The following PITPNB variants were observed in gnomAD, a reference collection of about 807,000 sequenced individuals.
PITPNB encodes the protein phosphatidylinositol transfer protein beta isoform.
Under a neutral mutation model 45.9 loss-of-function variants are expected in PITPNB, and 16 were observed. That is an observed-to-expected ratio of 0.35 (90% CI 0.24 to 0.53). The LOEUF (loss-of-function observed/expected upper bound fraction) is 0.53. Ranked by LOEUF, PITPNB falls within the 20% of genes least tolerant of loss-of-function variation. The probability of loss-of-function intolerance (pLI) is 0.93; values close to 1 mark genes in which losing one functional copy is unlikely to be tolerated. For synonymous variants in PITPNB, 112 were observed against 108.9 expected (o/e 1.03, Z -0.18); for missense variants, 188 against 330.5 (o/e 0.57, Z 3.34).
chr22:27,902,062 C>G (rs1292761521), intron 3 of PITPNB, among the ~76,000 whole-genome samples: 1 of 151,876 alleles, frequency 6.6e-6, no homozygotes, highest in Non-Finnish European at 1.5e-5. Flanking sequence ...AGGCAGAAAA[C>G]AGATTAGTAA....
intron 10 of PITPNB, among the ~76,000 whole-genome samples, chr22:27,857,855 AG>A (rs1455174952): frequency 2.0e-5 from 3 of 152,196 alleles, no homozygotes; most frequent in Admixed American, 6.5e-5. Context: ...CTCCTGCCCA[AG>A]GATCACCTGA....
chr22:27,893,308 G>A (rs1332041085), intron 7 of PITPNB, among the ~76,000 whole-genome samples: 14 of 148,562 alleles, frequency 9.4e-5, no homozygotes, highest in South Asian at 2.1e-4. Flanking sequence ...TTTTTGAGAC[G>A]GAGTCTCGCT....
intron 1 of PITPNB, among the ~76,000 whole-genome samples, chr22:27,916,149 G>A (rs1033941938): frequency 2.0e-5 from 3 of 152,192 alleles, no homozygotes; most frequent in African/African-American, 7.2e-5. Context: ...CTAACAGGAA[G>A]ATCCCTATTT....
intron 8 of PITPNB, among the ~76,000 whole-genome samples, chr22:27,863,933 C>T (rs1002051493): frequency 1.3e-5 from 2 of 152,132 alleles, no homozygotes; most frequent in Non-Finnish European, 2.9e-5. Flanking sequence ...CTATAAGCCA[C>T]GGGACAAAAA....
At chr22:27,859,551 T>C (rs532210047) in intron 9 of PITPNB, among the ~76,000 whole-genome samples, 66 of 152,308 alleles carry the variant, frequency 4.3e-4, no homozygotes, top group Non-Finnish European at 8.4e-4. Flanking sequence ...TCTCCCCTCC[T>C]CCTAGATCTA....
Position 27,873,224 on chromosome 22 carries a change from A to G in PITPNB, c.534+514T>C, listed in dbSNP as rs192870133. ...AGAGGCTGCAGTGAGCCCAGATTGC[A>G]CCACTGCACCCCAGCCTGGGCAACA... On this transcript the variant is annotated intron_variant, in intron 8 of 11. Coordinates refer to ENST00000335272, the MANE Select transcript of PITPNB (RefSeq NM_012399.5). 6.8e-3 allele frequency among the ~76,000 whole-genome samples: 1,034 copies of G among 152,312 alleles called. 7 individuals carry two copies. Among genetic ancestry groups the G allele is most frequent in the African/African-American group, 0.023 (939 of 41,574 alleles).
intron 7 of PITPNB, among the ~76,000 whole-genome samples, chr22:27,885,212 T>TTAA (rs1569019261): frequency 6.0e-4 from 18 of 30,232 alleles, no homozygotes; most frequent in East Asian, 4.9e-3. Context: ...AATTTATACC[T>TTAA]AAAAAAAAAA....
At chr22:27,914,381 A>C (rs1166120873) in intron 1 of PITPNB, 34 bp from the exon 2 acceptor site, 2 of 1,336,132 alleles carry the variant, frequency 1.5e-6, no homozygotes, top group Admixed American at 1.8e-5. Flanking sequence ...TATATATTAC[A>C]TATGAAATAG....
intron 8 of PITPNB, among the ~76,000 whole-genome samples, chr22:27,864,351 G>A (rs7510605): frequency 2.0e-5 from 3 of 152,228 alleles, no homozygotes; most frequent in South Asian, 2.1e-4. Context: ...TCTGAATGTC[G>A]TACATTAACC....
At chr22:27,859,349 C>G (rs1407762425) in intron 9 of PITPNB, among the ~76,000 whole-genome samples, 1 of 152,170 alleles carries the variant, frequency 6.6e-6, no homozygotes, top group African/African-American at 2.4e-5. Flanking sequence ...TAAAATACTA[C>G]AGCAGCTATA....
At chr22:27,887,558 A>C (rs1935157303) in intron 7 of PITPNB, among the ~76,000 whole-genome samples, 1 of 148,514 alleles carries the variant, frequency 6.7e-6, no homozygotes, top group Non-Finnish European at 1.5e-5. Flanking sequence ...ATCCCCACCC[A>C]CCCCACCTCC....
rs1260210443 is a variant in PITPNB at position 27,894,655 on chromosome 22, G to A, written c.373-17C>T. On this transcript the variant is annotated splice_polypyrimidine_tract_variant and intron_variant, in intron 6 of 11. Transcript: ENST00000335272. The stretch of plus-strand genomic sequence containing the variant: ...ACCATGTACCTACCAATGACAAAGA[G>A]AAAAGAAACAAAACAAACTGTAGAT... The A allele has an allele frequency of 1.4e-6, 2 of 1,462,798 alleles. No individual in the cohort carries two copies. Among genetic ancestry groups the A allele is most frequent in the Non-Finnish European group, 9.6e-7 (1 of 1,045,918 alleles). 90.6% of individuals were successfully genotyped at this position (1,462,798 alleles called of 1,614,324 possible).
At chr22:27,867,569 G>A (rs1934521374) in intron 8 of PITPNB, among the ~76,000 whole-genome samples, 1 of 152,070 alleles carries the variant, frequency 6.6e-6, no homozygotes, top group African/African-American at 2.4e-5. Flanking sequence ...TTTTTGTATG[G>A]CTCACACCCA....
intron 3 of PITPNB, among the ~76,000 whole-genome samples, chr22:27,902,379 C>A (rs545739706): frequency 1.3e-5 from 2 of 152,124 alleles, no homozygotes; most frequent in Non-Finnish European, 1.5e-5. Context: ...CCACCTTATA[C>A]GTCACAGAGT....
intron 8 of PITPNB, among the ~76,000 whole-genome samples, chr22:27,865,380 TAAAAGCTG>T (rs1434861298): frequency 6.6e-6 from 1 of 152,240 alleles, no homozygotes; most frequent in African/African-American, 2.4e-5. Flanking sequence ...AAAATCAAGT[TAAAAGCTG>T]AATTAAGATC....
intron 3 of PITPNB, among the ~76,000 whole-genome samples, chr22:27,903,668 C>A (rs1451004584): frequency 6.7e-6 from 1 of 149,204 alleles, no homozygotes; most frequent in East Asian, 2.0e-4. Flanking sequence ...CCCAGCTACT[C>A]GAGAGGCTGA....
intron 3 of PITPNB, among the ~76,000 whole-genome samples, chr22:27,899,525 G>A (rs545338158): frequency 5.3e-5 from 8 of 152,070 alleles, no homozygotes; most frequent in South Asian, 2.1e-4. Flanking sequence ...GGGTTTCACC[G>A]TGTTAGCCAG....
intron 10 of PITPNB, among the ~76,000 whole-genome samples, chr22:27,857,562 T>C (rs1292567321): frequency 1.3e-4 from 20 of 152,204 alleles, no homozygotes; most frequent in Admixed American, 1.1e-3. Flanking sequence ...CGCTCACACC[T>C]GCAGGGCTTC....
chr22:27,904,704 G>C (rs1935706978), intron 3 of PITPNB, among the ~76,000 whole-genome samples: 1 of 152,188 alleles, frequency 6.6e-6, no homozygotes, highest in South Asian at 2.1e-4. Context: ...GTCTAAGAGA[G>C]AGAAGGTAAC....
Sources: gnomAD v4.1 joint callset for allele counts (sites outside exome capture counted in the v4.1 genomes callset) on GRCh38, gnomAD v4.1.1 for gene constraint, MANE v1.5 for transcripts, NCBI Gene and HGNC (gene_info 2026-07-23, HGNC 2026-07-21) for gene names.